The following LRRTM4 variants were observed in gnomAD, a reference collection of about 807,000 sequenced individuals.
LRRTM4 encodes the protein leucine-rich repeat transmembrane neuronal protein 4.
LRRTM4 carries 25 observed loss-of-function variants against 47.6 expected under a neutral mutation model. That is an observed-to-expected ratio of 0.53 (90% confidence interval 0.38 to 0.73). The LOEUF (loss-of-function observed/expected upper bound fraction) is 0.73, where lower values mean the gene tolerates loss of function less well. Ranked by LOEUF, LRRTM4 falls within the 30% of genes least tolerant of loss-of-function variation. LRRTM4 has a pLI of 0.00. For missense variants in LRRTM4, 638 were observed against 713.4 expected (o/e 0.89, Z 1.20); for synonymous variants, 311 against 269.5 (o/e 1.15, Z -1.51).
chr2:76,836,023 G>A (rs1671501221), intron 3 of LRRTM4, among the ~76,000 whole-genome samples: 2 of 151,940 alleles, frequency 1.3e-5, no homozygotes, highest in Admixed American at 6.6e-5. Flanking sequence ...CTAAGTAGAA[G>A]AGTATATGTC....
chr2:76,922,565 C>T lies in LRRTM4; in HGVS notation c.1552-173649G>A, dbSNP rs1674466390. On this transcript the variant is annotated intron_variant, in intron 3 of 3. Transcript: ENST00000409884. ...AGAGCCAAACCATATCATTGTGGAC[C>T]CTAAAAATTTGAATTCATAGAAGCA... Among the ~76,000 whole-genome samples the T allele has an allele frequency of 2.6e-5, 4 of 151,824 alleles. No homozygotes were observed. In the South Asian group the frequency reaches 8.3e-4, roughly 31 times the overall value.
intron 3 of LRRTM4, among the ~76,000 whole-genome samples, chr2:77,001,068 G>A (rs567300319): frequency 8.4e-4 from 128 of 152,268 alleles, no homozygotes; most frequent in Non-Finnish European, 1.5e-3. Context: ...AATGTGTTCA[G>A]TATATTTAAG....
At chr2:77,101,683 A>C (rs1670957485) in intron 3 of LRRTM4, among the ~76,000 whole-genome samples, 2 of 152,214 alleles carry the variant, frequency 1.3e-5, no homozygotes, top group South Asian at 4.1e-4. Context: ...ACTCAAAAGA[A>C]AATTTCCACA....
At chr2:76,869,974 A>G (rs1558703648) in intron 3 of LRRTM4, among the ~76,000 whole-genome samples, 1 of 152,182 alleles carries the variant, frequency 6.6e-6, no homozygotes, top group Non-Finnish European at 1.5e-5. Flanking sequence ...GTGAGACACT[A>G]CAACATAAAC....
intron 3 of LRRTM4, among the ~76,000 whole-genome samples, chr2:77,251,234 G>GGTGT (rs200379316): frequency 3.1e-5 from 2 of 64,352 alleles, no homozygotes; most frequent in Non-Finnish European, 5.3e-5. Context: ...TATACATATA[G>GGTGT]GTGTGTGTGT....
chr2:76,845,774 T>G (rs922668123), intron 3 of LRRTM4, among the ~76,000 whole-genome samples: 1 of 152,026 alleles, frequency 6.6e-6, no homozygotes, highest in Non-Finnish European at 1.5e-5. Flanking sequence ...GCTGCAGAAA[T>G]GAGTAGGGCT....
At chr2:77,141,741 C>T (rs1672129143) in intron 3 of LRRTM4, among the ~76,000 whole-genome samples, 1 of 152,116 alleles carries the variant, frequency 6.6e-6, no homozygotes, top group Admixed American at 6.6e-5. Flanking sequence ...TACTGGCTCC[C>T]AATTTTGGTA....
chr2:77,141,460 G>A (rs931329325), intron 3 of LRRTM4, among the ~76,000 whole-genome samples: 12 of 139,856 alleles, frequency 8.6e-5, no homozygotes, highest in South Asian at 2.6e-4. Flanking sequence ...ATCACACACC[G>A]TGGCCTGTCA....
At chr2:77,045,311 T>C (rs981570152) in intron 3 of LRRTM4, among the ~76,000 whole-genome samples, 1 of 151,908 alleles carries the variant, frequency 6.6e-6, no homozygotes, top group African/African-American at 2.4e-5. Flanking sequence ...AACAGTTGTC[T>C]TTTCCTCATT....
At chr2:76,925,557 T>G (rs577574782) in intron 3 of LRRTM4, among the ~76,000 whole-genome samples, 8 of 152,276 alleles carry the variant, frequency 5.3e-5, no homozygotes, top group African/African-American at 1.9e-4. Context: ...TAATAGACGT[T>G]CTGATGCCCT....
chr2:77,306,895 A>ATT (rs1491512359), intron 3 of LRRTM4, among the ~76,000 whole-genome samples: 7 of 125,584 alleles, frequency 5.6e-5, no homozygotes, highest in African/African-American at 2.7e-4. Flanking sequence ...CTGCTTTTCC[A>ATT]TATTTTTTTT....
intron 3 of LRRTM4, among the ~76,000 whole-genome samples, chr2:76,979,721 G>C (rs886903409): frequency 1.3e-4 from 20 of 150,792 alleles, no homozygotes; most frequent in African/African-American, 4.6e-4. Flanking sequence ...TAGATAGATA[G>C]ATAGATGCAT....
At chr2:77,513,200 A>G (rs542419992) in intron 3 of LRRTM4, among the ~76,000 whole-genome samples, 1 of 152,278 alleles carries the variant, frequency 6.6e-6, no homozygotes, top group African/African-American at 2.4e-5. Flanking sequence ...CTCAAGCATA[A>G]AGAAATTGTA....
At chr2:76,865,819 A>G (rs913926128) in intron 3 of LRRTM4, among the ~76,000 whole-genome samples, 1 of 152,200 alleles carries the variant, frequency 6.6e-6, no homozygotes, top group Non-Finnish European at 1.5e-5. Context: ...AATAGAAATG[A>G]AAGATGTATT....
chr2:77,434,773 T>A (rs1205653171), intron 3 of LRRTM4, among the ~76,000 whole-genome samples: 2 of 152,160 alleles, frequency 1.3e-5, no homozygotes, highest in African/African-American at 4.8e-5. Context: ...TGCCCAAGGT[T>A]ACCAAGCCAA....
chr2:76,981,481 T>C (rs1676606122), intron 3 of LRRTM4, among the ~76,000 whole-genome samples: 1 of 152,040 alleles, frequency 6.6e-6, no homozygotes. Flanking sequence ...CAACTCTATT[T>C]GGAAATATAA....
chr2:77,001,568 G>C (rs72823183), intron 3 of LRRTM4, among the ~76,000 whole-genome samples: 21,311 of 151,942 alleles, frequency 0.14, 1,604 homozygotes, highest in Admixed American at 0.2. Context: ...AATAAACAGC[G>C]CAAAATCAAG....
At chr2:76,923,638 G>T (rs2103814481) in intron 3 of LRRTM4, among the ~76,000 whole-genome samples, 1 of 152,106 alleles carries the variant, frequency 6.6e-6, no homozygotes, top group South Asian at 2.1e-4. Flanking sequence ...TTCTAGGAAA[G>T]CACTTCCTGT....
intron 3 of LRRTM4, among the ~76,000 whole-genome samples, chr2:77,290,521 A>G (rs1676794049): frequency 1.3e-5 from 2 of 152,116 alleles, no homozygotes; most frequent in African/African-American, 2.4e-5. Context: ...CAAAAAATTT[A>G]TTGTATATAT....
Sources: gnomAD v4.1 joint callset for allele counts (sites outside exome capture counted in the v4.1 genomes callset) on GRCh38, gnomAD v4.1.1 for gene constraint, MANE v1.5 for transcripts, NCBI Gene and HGNC (gene_info 2026-07-23, HGNC 2026-07-21) for gene names.